Variants in VAT1L observed in about 807,000 individuals in gnomAD.
The protein encoded by VAT1L is putative NADPH-dependent quinone oxidoreductase VAT1L.
VAT1L carries 34 observed loss-of-function variants against 44.1 expected under a neutral mutation model. That is an observed-to-expected ratio of 0.77 (90% CI 0.59 to 1.03). The LOEUF is 1.03. Among genes scored for constraint, VAT1L ranks in the 50% least tolerant of loss-of-function variants. VAT1L has a pLI of 0.00. For missense variants in VAT1L, 615 were observed against 538.8 expected (o/e 1.14, Z -1.40); for synonymous variants, 253 against 202.2 (o/e 1.25, Z -2.13).
intron 1 of VAT1L, among the ~76,000 whole-genome samples, chr16:77,802,113 G>A (rs765100011): frequency 4.6e-5 from 7 of 152,116 alleles, no homozygotes; most frequent in East Asian, 1.9e-4. Context: ...CCCTCCCACC[G>A]CTTTGAGCCT....
intron 7 of VAT1L, among the ~76,000 whole-genome samples, chr16:77,954,630 T>C (rs1372116782): frequency 6.6e-6 from 1 of 151,926 alleles, no homozygotes; most frequent in African/African-American, 2.4e-5. Flanking sequence ...CTCAAAAAAA[T>C]AAATAATAAA....
At chr16:77,889,287 T>C (rs922594663) in intron 7 of VAT1L, among the ~76,000 whole-genome samples, 1 of 152,220 alleles carries the variant, frequency 6.6e-6, no homozygotes, top group African/African-American at 2.4e-5. Flanking sequence ...CATCTGTCTT[T>C]GACTTTATTG....
At chr16:77,832,068 T>G (rs1207992047) in intron 3 of VAT1L, among the ~76,000 whole-genome samples, 1 of 148,600 alleles carries the variant, frequency 6.7e-6, no homozygotes, top group Non-Finnish European at 1.5e-5. Context: ...CCTCGGGCAA[T>G]CCACCAACCT....
intron 7 of VAT1L, among the ~76,000 whole-genome samples, chr16:77,885,683 G>A (rs529874057): frequency 2.0e-5 from 3 of 151,790 alleles, no homozygotes; most frequent in Admixed American, 6.6e-5. Flanking sequence ...AGTGCCTTAT[G>A]GTACAAGTAC....
chr16:77,927,693 C>G (rs1022034602), intron 7 of VAT1L, among the ~76,000 whole-genome samples: 1 of 151,950 alleles, frequency 6.6e-6, no homozygotes, highest in Non-Finnish European at 1.5e-5. Flanking sequence ...CTGGCTAACA[C>G]AGTGAAACCC....
In VAT1L at chr16:77,940,122, A is replaced by C. The variant is rs909240967; in HGVS notation, c.1078-31728A>C. On this transcript the variant is annotated intron_variant, in intron 7 of 8. Coordinates refer to ENST00000302536, the MANE Select transcript of VAT1L (RefSeq NM_020927.3). ...TCTCAACAAGCTCAAAATGTCAAGA[A>C]AGCTTTGGCCAGTGATACGCTAGTG... Among the ~76,000 whole-genome samples the C allele has an allele frequency of 6.6e-5, 10 of 152,160 alleles. No individual in the cohort carries two copies. In the South Asian group the frequency reaches 1.0e-3, roughly 16 times the overall value.
In VAT1L at chr16:77,900,477, G is replaced by C. The variant is rs955418575; in HGVS notation, c.1077+15675G>C. Among the ~76,000 whole-genome samples the C allele has an allele frequency of 4.6e-5, 7 of 152,048 alleles. No individual in the cohort carries two copies. The East Asian group carries it at 1.2e-3, about 25-fold the overall frequency. On this transcript the variant is annotated intron_variant, in intron 7 of 8. Transcript: ENST00000302536. The stretch of plus-strand genomic sequence containing the variant: ...GGGAGGACAAGGCGGGGGGGATCAG[G>C]TTAGGTCAGCAGTTTGAGACCAGCC...
chr16:77,798,288 A>T (rs931229973), intron 1 of VAT1L, among the ~76,000 whole-genome samples: 5 of 152,254 alleles, frequency 3.3e-5, no homozygotes, highest in African/African-American at 1.2e-4. Flanking sequence ...GATGAGAGGC[A>T]GTAGGCTTCT....
At chr16:77,804,225 C>T (rs1387534167) in intron 1 of VAT1L, among the ~76,000 whole-genome samples, 9 of 152,280 alleles carry the variant, frequency 5.9e-5, no homozygotes, top group Middle Eastern at 6.8e-3. Context: ...CAACATCAAA[C>T]ATGGAGCATA....
chr16:77,912,638 T>G (rs544533206), intron 7 of VAT1L, among the ~76,000 whole-genome samples: 9 of 152,352 alleles, frequency 5.9e-5, no homozygotes, highest in South Asian at 2.1e-4. Flanking sequence ...TTATTCTCAC[T>G]GGCAAGGCAA....
intron 5 of VAT1L, among the ~76,000 whole-genome samples, chr16:77,877,542 A>AC (rs1263610249): frequency 6.8e-6 from 1 of 147,278 alleles, no homozygotes; most frequent in Non-Finnish European, 1.5e-5. Context: ...AAAAAAAAAA[A>AC]ACCACATTAG....
intron 7 of VAT1L, among the ~76,000 whole-genome samples, chr16:77,908,095 C>T (rs867903828): frequency 8.6e-5 from 13 of 151,910 alleles, no homozygotes; most frequent in African/African-American, 1.5e-4. Flanking sequence ...AAAAATCAGC[C>T]GGGTGTGGTG....
intron 7 of VAT1L, among the ~76,000 whole-genome samples, chr16:77,898,522 T>C (rs1252822417): frequency 6.6e-6 from 1 of 152,174 alleles, no homozygotes; most frequent in Admixed American, 6.5e-5. Flanking sequence ...TTCATTTCTT[T>C]CCTAAGCCTT....
chr16:77,908,909 G>A (rs1025801935), intron 7 of VAT1L, among the ~76,000 whole-genome samples: 6 of 152,000 alleles, frequency 3.9e-5, no homozygotes, highest in South Asian at 2.1e-4. Context: ...GCAAGACCCC[G>A]TCTTAAAAAC....
At chr16:77,973,378 G>A (rs554102604) in intron 8 of VAT1L, among the ~76,000 whole-genome samples, 29 of 151,646 alleles carry the variant, frequency 1.9e-4, no homozygotes, top group African/African-American at 3.1e-4. Context: ...TCCGCCTCCC[G>A]GGTTCAAGCG....
chr16:77,889,593 T>C (rs2017242474), intron 7 of VAT1L, among the ~76,000 whole-genome samples: 1 of 152,224 alleles, frequency 6.6e-6, no homozygotes, highest in South Asian at 2.1e-4. Context: ...GAGCACCTAC[T>C]ATGTGCTATA....
At chr16:77,934,677 G>A (rs891261160) in intron 7 of VAT1L, among the ~76,000 whole-genome samples, 1 of 152,176 alleles carries the variant, frequency 6.6e-6, no homozygotes, top group African/African-American at 2.4e-5. Context: ...CTTGAATCTT[G>A]TTAAGACACT....
rs563776873 is a variant in VAT1L, at chr16:77,900,046, T to G, written c.1077+15244T>G. On this transcript the variant is annotated intron_variant, in intron 7 of 8. Coordinates refer to ENST00000302536, the MANE Select transcript of VAT1L (RefSeq NM_020927.3). ...TGCAGAGGTGACAATTCAAAGAGGCTATACCTGACTCTACACCTTCTATTT... is the reference window on the plus strand; with the variant it reads ...TGCAGAGGTGACAATTCAAAGAGGCGATACCTGACTCTACACCTTCTATTT... Among the ~76,000 whole-genome samples the G allele has an allele frequency of 1.3e-4, 20 of 152,310 alleles. 1 individual carries two copies. In the South Asian group the frequency reaches 3.9e-3, roughly 30 times the overall value.
At chr16:77,977,549 C>A in intron 8 of VAT1L, 48 bp from the exon 9 acceptor site, 1 of 1,585,324 alleles carries the variant, frequency 6.3e-7, no homozygotes, top group South Asian at 1.1e-5. Context: ...TCAGAGATGA[C>A]GAGGCTGGGT....
Sources: gnomAD v4.1 joint callset for allele counts (sites outside exome capture counted in the v4.1 genomes callset) on GRCh38, gnomAD v4.1.1 for gene constraint, MANE v1.5 for transcripts, NCBI Gene and HGNC (gene_info 2026-07-23, HGNC 2026-07-21) for gene names.